The following CDH18 variants were observed in gnomAD, a reference collection of about 807,000 sequenced individuals.
CDH18 encodes the protein cadherin-18.
CDH18 carries 31 observed loss-of-function variants against 67.9 expected under a neutral mutation model. That is an observed-to-expected ratio of 0.46 (90% CI 0.34 to 0.62). The LOEUF is 0.62. Ranked by LOEUF, CDH18 falls within the 20% of genes least tolerant of loss-of-function variation. The pLI, the probability that CDH18 is intolerant of heterozygous loss-of-function variation, is 0.01. For synonymous variants in CDH18, 362 were observed against 347.2 expected (o/e 1.04, Z -0.48); for missense variants, 890 against 975.5 (o/e 0.91, Z 1.17).
chr5:19,731,783 G>T (rs558709643), intron 4 of CDH18, among the ~76,000 whole-genome samples: 1 of 152,080 alleles, frequency 6.6e-6, no homozygotes, highest in Non-Finnish European at 1.5e-5. Flanking sequence ...GAAAGTAATG[G>T]TGTCACCATC....
At chr5:19,902,036 T>C (rs1251981678) in intron 2 of CDH18, among the ~76,000 whole-genome samples, 2 of 152,138 alleles carry the variant, frequency 1.3e-5, no homozygotes. Context: ...AACATGTACA[T>C]TAAATCACAT....
intron 1 of CDH18, among the ~76,000 whole-genome samples, chr5:20,313,576 A>G (rs1340218903): frequency 6.6e-6 from 1 of 152,118 alleles, no homozygotes; most frequent in Non-Finnish European, 1.5e-5. Flanking sequence ...TAAACAGAGC[A>G]TGCTTAACAA....
At chr5:19,881,797 C>T (rs1787684428) in intron 2 of CDH18, among the ~76,000 whole-genome samples, 1 of 152,086 alleles carries the variant, frequency 6.6e-6, no homozygotes, top group Non-Finnish European at 1.5e-5. Flanking sequence ...TGAGCCACTG[C>T]ACCTGGCCTC....
At chr5:19,783,191 G>A (rs189067671) in intron 3 of CDH18, among the ~76,000 whole-genome samples, 117 of 152,240 alleles carry the variant, frequency 7.7e-4, no homozygotes, top group Admixed American at 1.4e-3. Flanking sequence ...GCACTATTAT[G>A]TAACACGAGG....
At chr5:19,708,833 G>A (rs1272524640) in intron 5 of CDH18, among the ~76,000 whole-genome samples, 2 of 152,000 alleles carry the variant, frequency 1.3e-5, no homozygotes, top group African/African-American at 4.8e-5. Flanking sequence ...TCTCAGCTCT[G>A]AAGGCTGTCA....
chr5:19,510,158 G>A (rs1324775656), intron 10 of CDH18, among the ~76,000 whole-genome samples: 4 of 152,184 alleles, frequency 2.6e-5, no homozygotes, highest in African/African-American at 7.2e-5. Flanking sequence ...AACTGATTTC[G>A]CCAATTGTTG....
chr5:20,460,398 CATAAATAAATAAATAAATAAATAA>C (rs71688150), intron 1 of CDH18, among the ~76,000 whole-genome samples: 1 of 141,212 alleles, frequency 7.1e-6, no homozygotes, highest in South Asian at 2.3e-4. Context: ...TCTCTAAATA[CATAAATAAATAAATAAATAAATAA>C]ATAAATAAAT....
chr5:20,262,732 A>T (rs1436084192), intron 1 of CDH18, among the ~76,000 whole-genome samples: 2 of 152,092 alleles, frequency 1.3e-5, no homozygotes, highest in Non-Finnish European at 2.9e-5. Flanking sequence ...TAATGTCTAC[A>T]TATATCAGTT....
rs573465168 is a variant in CDH18 at position 20,432,584 on chromosome 5, C to T, written c.-580+142878G>A. Among the ~76,000 whole-genome samples, 3 of 151,996 alleles carry T rather than the reference C, an allele frequency of 2.0e-5. No individual in the cohort carries two copies. The South Asian group carries it at 6.2e-4, about 32-fold the overall frequency. ...TAATTTGGAAGGACAAGGTATTGGC[C>T]GGGCTGATTTCACTCTGAGGCCTCT... On this transcript the variant is annotated intron_variant, in intron 1 of 14. Coordinates refer to the CDH18 transcript ENST00000507958.
At chr5:19,684,346 G>T (rs1760766580) in intron 5 of CDH18, among the ~76,000 whole-genome samples, 1 of 151,252 alleles carries the variant, frequency 6.6e-6, no homozygotes, top group African/African-American at 2.4e-5. Context: ...AATTAAAATT[G>T]TATTTAATAT....
intron 6 of CDH18, among the ~76,000 whole-genome samples, chr5:19,593,723 C>CTTCTTCTTCTTG (rs1561426118): frequency 1.3e-4 from 16 of 120,480 alleles, no homozygotes; most frequent in African/African-American, 5.9e-4. Context: ...TCTTCTTCTT[C>CTTCTTCTTCTTG]TTCTTCTTCT....
At chr5:19,488,544 C>T (rs1212586960) in intron 11 of CDH18, among the ~76,000 whole-genome samples, 1 of 152,074 alleles carries the variant, frequency 6.6e-6, no homozygotes, top group Non-Finnish European at 1.5e-5. Flanking sequence ...GGCATGGTTT[C>T]ATATTGTCTC....
intron 2 of CDH18, among the ~76,000 whole-genome samples, chr5:20,172,218 A>ATATATATATATATATG (rs1736841585): frequency 1.2e-5 from 1 of 80,744 alleles, no homozygotes; most frequent in African/African-American, 5.9e-5. Flanking sequence ...ATATATATAT[A>ATATATATATATATATG]TATATGTATA....
chr5:19,777,123 T>C (rs1774481482), intron 3 of CDH18, among the ~76,000 whole-genome samples: 1 of 151,866 alleles, frequency 6.6e-6, no homozygotes, highest in South Asian at 2.1e-4. Context: ...CTACTAAAAA[T>C]ACAAAAATTA....
intron 9 of CDH18, among the ~76,000 whole-genome samples, chr5:19,534,694 G>A (rs1252072573): frequency 3.3e-5 from 5 of 152,074 alleles, no homozygotes; most frequent in Non-Finnish European, 5.9e-5. Flanking sequence ...CCTCCAAGAC[G>A]ATACCAATTA....
intron 1 of CDH18, among the ~76,000 whole-genome samples, chr5:20,276,785 T>C (rs556820034): frequency 8.5e-5 from 13 of 152,240 alleles, no homozygotes; most frequent in African/African-American, 1.2e-4. Flanking sequence ...GGGGAGCCCA[T>C]TGCCCTGAAC....
chr5:19,473,119 C>G lies in CDH18; in HGVS notation c.*107G>C. On this transcript the variant is annotated 3_prime_UTR_variant, in exon 13 of 13. Coordinates refer to ENST00000382275, the MANE Select transcript of CDH18 (RefSeq NM_004934.5). ...TTGTTTCTACAGGAGCTGTGTCCAG[C>G]TTCCTCAGTTCCAAGTACTGTTTCC... is the stretch of plus-strand genomic sequence containing the variant. The G allele has an allele frequency of 7.3e-7, 1 of 1,372,190 alleles. No individual in the cohort carries two copies. Among genetic ancestry groups the G allele is most frequent in the Non-Finnish European group, 1.0e-6 (1 of 1,004,790 alleles). 85.0% of individuals were successfully genotyped at this position (1,372,190 alleles called of 1,614,324 possible). A position where few individuals can be genotyped will look rare whatever the true frequency, so the allele number is the denominator to read the frequency against.
chr5:20,289,059 T>C lies in CDH18; in HGVS notation c.-579-33554A>G, dbSNP rs529009562. On this transcript the variant is annotated intron_variant, in intron 1 of 14. Transcript: ENST00000507958. ...ATGTCAAATTCTTTCTGAATCCTACTGAATAATCAGTGGCATTAGATTATT... is the reference window on the plus strand; with the variant it reads ...ATGTCAAATTCTTTCTGAATCCTACCGAATAATCAGTGGCATTAGATTATT... Among the ~76,000 whole-genome samples the C allele has an allele frequency of 3.9e-5, 6 of 152,098 alleles. No homozygotes were observed. In the East Asian group the frequency reaches 1.2e-3, roughly 29 times the overall value.
intron 5 of CDH18, among the ~76,000 whole-genome samples, chr5:19,614,674 T>C (rs1749530661): frequency 6.6e-6 from 1 of 152,128 alleles, no homozygotes; most frequent in South Asian, 2.1e-4. Context: ...TTAGTGAGTT[T>C]TGCAAAATAG....
Sources: gnomAD v4.1 joint callset for allele counts (sites outside exome capture counted in the v4.1 genomes callset) on GRCh38, gnomAD v4.1.1 for gene constraint, MANE v1.5 for transcripts, NCBI Gene and HGNC (gene_info 2026-07-23, HGNC 2026-07-21) for gene names.